Variants in SMURF2 observed in about 807,000 individuals in gnomAD.
SMURF2 encodes the protein E3 ubiquitin-protein ligase SMURF2.
In SMURF2, 48 loss-of-function variants were observed where a neutral mutation model predicts 109.6. The ratio of observed to expected loss-of-function variants is 0.44; its 90% confidence interval spans 0.35 to 0.56. The LOEUF is 0.56. Among genes scored for constraint, SMURF2 ranks in the 20% least tolerant of loss-of-function variants. The probability of loss-of-function intolerance (pLI) is 0.01; values close to 1 mark genes in which losing one functional copy is unlikely to be tolerated. For missense variants in SMURF2, 575 were observed against 909.0 expected, an observed-to-expected ratio of 0.63 and a Z score of 4.72; for synonymous variants, 288 against 317.1, an observed-to-expected ratio of 0.91 and a Z score of 0.97.
chr17:64,604,127 A>G (rs782732104), intron 2 of SMURF2, among the ~76,000 whole-genome samples: 2 of 152,226 alleles, frequency 1.3e-5, no homozygotes, highest in Non-Finnish European at 2.9e-5. Flanking sequence ...GTATAAGTAT[A>G]CATGTAAATC....
At chr17:64,556,324 C>T (rs1163958169) in intron 13 of SMURF2, among the ~76,000 whole-genome samples, 1 of 152,102 alleles carries the variant, frequency 6.6e-6, no homozygotes, top group East Asian at 1.9e-4. Context: ...TCACCTCCTG[C>T]TGAGCCCTTT....
chr17:64,658,645 T>A (rs1356655260), intron 1 of SMURF2, among the ~76,000 whole-genome samples: 1 of 152,212 alleles, frequency 6.6e-6, no homozygotes, highest in African/African-American at 2.4e-5. Flanking sequence ...CTTATTCTGC[T>A]TCTCCATACC....
At chr17:64,591,420 T>C (rs776796790) in intron 4 of SMURF2, among the ~76,000 whole-genome samples, 13 of 152,182 alleles carry the variant, frequency 8.5e-5, no homozygotes, top group Non-Finnish European at 2.9e-5. Context: ...CATATGACAA[T>C]ATGTGAATCC....
chr17:64,656,274 A>T (rs1970703883), intron 1 of SMURF2, among the ~76,000 whole-genome samples: 1 of 152,254 alleles, frequency 6.6e-6, no homozygotes, highest in Non-Finnish European at 1.5e-5. Flanking sequence ...ATAATTCATC[A>T]TGGAAATGTT....
chr17:64,588,285 C>G (rs1555687326), intron 5 of SMURF2, among the ~76,000 whole-genome samples: 2 of 151,842 alleles, frequency 1.3e-5, no homozygotes, highest in African/African-American at 4.8e-5. Context: ...CAGTTTTAAA[C>G]AAGGAAAAAA....
intron 1 of SMURF2, among the ~76,000 whole-genome samples, chr17:64,630,057 G>GAAACCCTGTCTCTACA (rs1221519987): frequency 2.0e-5 from 3 of 152,020 alleles, no homozygotes; most frequent in Non-Finnish European, 1.5e-5. Context: ...CCAACACAGT[G>GAAACCCTGTCTCTACA]AAACCCTGTC....
chr17:64,593,233 A>C (rs1969773056), intron 4 of SMURF2: 1 of 279,220 alleles, frequency 3.6e-6, no homozygotes, highest in Non-Finnish European at 6.2e-6. Context: ...TACAAAATAA[A>C]TTTAGATCAG....
chr17:64,603,583 G>GAAA (rs75365686), intron 2 of SMURF2, among the ~76,000 whole-genome samples: 3 of 120,310 alleles, frequency 2.5e-5, no homozygotes, highest in Non-Finnish European at 5.5e-5. Context: ...TCCGTCGGGG[G>GAAA]AAAAAAAAAA....
chr17:64,624,985 A>G (rs1970250183), intron 1 of SMURF2, among the ~76,000 whole-genome samples: 2 of 152,232 alleles, frequency 1.3e-5, no homozygotes, highest in African/African-American at 4.8e-5. Flanking sequence ...AGCAGCTACC[A>G]CATCCAGTAT....
Position 64,593,542 on chromosome 17 carries a change from TG to T in SMURF2, c.231del (p.Ser78ValfsTer55). ...TGGATCTTCTTGTGATTCCATACAC[TG>T]ATCGTAACTGAATCAGACTTTCCAA... ...LYIGKSDSVTISVWNHKKIHK... is the reference protein window; with the variant it reads ...LYIGKSDSVTXSVWNHKKIHK... On this transcript the variant is annotated frameshift_variant, in exon 4 of 19. Transcript: ENST00000262435. LOFTEE classifies it high-confidence loss of function. The T allele has an allele frequency of 6.3e-7, 1 of 1,578,344 alleles. No homozygotes were observed. Among genetic ancestry groups the T allele is most frequent in the Non-Finnish European group, 8.6e-7 (1 of 1,157,422 alleles).
rs1468457751 is a variant in SMURF2, at chr17:64,546,313, G to A, written c.2097C>T (p.Thr699=). 10 of 1,613,888 alleles carry A rather than the reference G, an allele frequency of 6.2e-6. No homozygotes were observed. The highest frequency in any genetic ancestry group is 2.5e-6 in the Non-Finnish European group (3 of 1,179,926). Residue 699 remains threonine (T), a synonymous_variant, in exon 18 of 19, where the codon ACC becomes ACT. Coordinates refer to ENST00000262435, the MANE Select transcript of SMURF2 (RefSeq NM_022739.4). ...LQGAAGPRLF[T]IHQIDACTNN... The stretch of plus-strand genomic sequence containing the variant: ...TAGTGCAGGCATCAATCTGGTGTAT[G>A]GTAAAGAGTCTCGGGCCTGCAGCAC...
chr17:64,646,536 A>G (rs545053374), intron 1 of SMURF2, among the ~76,000 whole-genome samples: 1 of 151,592 alleles, frequency 6.6e-6, no homozygotes, highest in Non-Finnish European at 1.5e-5. Flanking sequence ...GGTATGCACC[A>G]CACACCAGGC....
At chr17:64,576,041 C>A (rs78583124) in intron 9 of SMURF2, among the ~76,000 whole-genome samples, 3 of 151,774 alleles carry the variant, frequency 2.0e-5, no homozygotes, top group Admixed American at 6.6e-5. Flanking sequence ...CCCATCTCTA[C>A]TAAAAATACA....
Position 64,591,154 on chromosome 17 carries a change from T to C in SMURF2, c.335-5A>G. ...TGCATAAATCCAACCTCTGATCTATTTGAAGTCAACAAAGAAAGCAACGAA... is the reference window on the plus strand; with the variant it reads ...TGCATAAATCCAACCTCTGATCTATCTGAAGTCAACAAAGAAAGCAACGAA... On this transcript the variant is annotated splice_polypyrimidine_tract_variant and splice_region_variant and intron_variant, in intron 4 of 18. Coordinates refer to ENST00000262435, the MANE Select transcript of SMURF2 (RefSeq NM_022739.4). 2 of 1,611,820 alleles carry C rather than the reference T, an allele frequency of 1.2e-6. No homozygotes were observed. The highest frequency in any genetic ancestry group is 2.2e-5 in the East Asian group (1 of 44,696).
At chr17:64,602,156 C>T (rs1256228428) in intron 2 of SMURF2, among the ~76,000 whole-genome samples, 1 of 151,696 alleles carries the variant, frequency 6.6e-6, no homozygotes, top group African/African-American at 2.4e-5. Context: ...GAATGATATA[C>T]TGGACTATGG....
chr17:64,579,838 C>T lies in SMURF2; in HGVS notation c.772+951G>A, dbSNP rs1969554878. ...TACATGGCAAAGCCAGGATACGAAC[C>T]TAGGTCCTAAGTCTGTCTGTCACTC... is the stretch of plus-strand genomic sequence containing the variant. On this transcript the variant is annotated intron_variant, in intron 8 of 18. Coordinates refer to ENST00000262435, the MANE Select transcript of SMURF2 (RefSeq NM_022739.4). 1.3e-5 allele frequency among the ~76,000 whole-genome samples: 2 copies of T among 152,160 alleles called. 1 individual carries two copies. The highest frequency in any genetic ancestry group is 4.1e-4 in the South Asian group (2 of 4,832).
intron 7 of SMURF2, among the ~76,000 whole-genome samples, chr17:64,582,226 C>A (rs1323925500): frequency 1.3e-5 from 2 of 152,100 alleles, no homozygotes; most frequent in African/African-American, 4.8e-5. Context: ...AAAGAGAAAA[C>A]CTTGTGATCC....
intron 1 of SMURF2, among the ~76,000 whole-genome samples, chr17:64,623,867 A>G (rs1198855495): frequency 6.6e-6 from 1 of 152,240 alleles, no homozygotes; most frequent in Non-Finnish European, 1.5e-5. Context: ...CCCTACCAAT[A>G]TTCCTTGACA....
At chr17:64,549,060 G>A (rs575605089) in intron 16 of SMURF2, among the ~76,000 whole-genome samples, 9 of 152,066 alleles carry the variant, frequency 5.9e-5, no homozygotes, top group African/African-American at 2.2e-4. Context: ...GAGGCATGCA[G>A]ATCACTTGAG....
Sources: gnomAD v4.1 joint callset for allele counts (sites outside exome capture counted in the v4.1 genomes callset) on GRCh38, gnomAD v4.1.1 for gene constraint, MANE v1.5 for transcripts, NCBI Gene and HGNC (gene_info 2026-07-23, HGNC 2026-07-21) for gene names.